The following POTEC variants were observed in gnomAD, a reference collection of about 807,000 sequenced individuals.
The protein encoded by POTEC is ANKRD26-like family B member 2.
POTEC carries 35 observed loss-of-function variants against 62.0 expected under a neutral mutation model. That is an observed-to-expected ratio of 0.56 (90% CI 0.43 to 0.75). POTEC has a LOEUF of 0.75. Ranked by LOEUF, POTEC falls within the 30% of genes least tolerant of loss-of-function variation. The pLI, the probability that POTEC is intolerant of heterozygous loss-of-function variation, is 0.00. For synonymous variants in POTEC, 156 were observed against 221.5 expected (o/e 0.70, Z 2.62); for missense variants, 472 against 655.9 (o/e 0.72, Z 3.06).
intron 9 of POTEC, among the ~76,000 whole-genome samples, chr18:14,516,014 A>G (rs1216391005): frequency 4.6e-5 from 7 of 151,592 alleles, no homozygotes; most frequent in Non-Finnish European, 1.0e-4. Flanking sequence ...AAAATAAAAA[A>G]AACAGCAGAT....
intron 4 of POTEC, among the ~76,000 whole-genome samples, chr18:14,534,430 A>G (rs1435373778): frequency 2.6e-5 from 4 of 152,092 alleles, no homozygotes; most frequent in Non-Finnish European, 5.9e-5. Flanking sequence ...GCTAACATTA[A>G]TATTCTTCAA....
chr18:14,527,198 G>A (rs1037669938), intron 6 of POTEC, among the ~76,000 whole-genome samples: 13 of 151,786 alleles, frequency 8.6e-5, no homozygotes, highest in Admixed American at 6.6e-5. Context: ...CCTAGTACTC[G>A]CTCTCAAGTT....
chr18:14,526,487 G>T (rs1397839922), intron 6 of POTEC, among the ~76,000 whole-genome samples: 1 of 152,090 alleles, frequency 6.6e-6, no homozygotes, highest in Non-Finnish European at 1.5e-5. Context: ...GGTTTAAAAA[G>T]AATGAAAATA....
chr18:14,525,048 T>C (rs1910402507), intron 6 of POTEC, 65 bp from the exon 7 acceptor site: 1 of 1,571,096 alleles, frequency 6.4e-7, no homozygotes, highest in Non-Finnish European at 8.6e-7. Context: ...CTATTGCCTT[T>C]ATAAAAACAG....
chr18:14,535,559 TAGATAATCAG>T (rs1905684746), intron 3 of POTEC, among the ~76,000 whole-genome samples: 1 of 151,598 alleles, frequency 6.6e-6, no homozygotes, highest in Non-Finnish European at 1.5e-5. Flanking sequence ...GTTAACTAGA[TAGATAATCAG>T]TTCATAGGAT....
chr18:14,521,703 A>C (rs1261499771), intron 9 of POTEC, among the ~76,000 whole-genome samples: 2 of 152,192 alleles, frequency 1.3e-5, no homozygotes, highest in African/African-American at 4.8e-5. Flanking sequence ...CCTTTGCAGC[A>C]ACACACATGG....
intron 3 of POTEC, among the ~76,000 whole-genome samples, chr18:14,537,494 A>G (rs1276880036): frequency 6.6e-6 from 1 of 151,844 alleles, no homozygotes; most frequent in Non-Finnish European, 1.5e-5. Context: ...AAATTTTGTC[A>G]TTTTACATTC....
In POTEC at chr18:14,508,074, G is replaced by A. The variant is rs1386251826; in HGVS notation, c.*3824C>T. 1.3e-5 allele frequency: 2 copies of A among 152,150 alleles called. No individual in the cohort carries two copies. Among genetic ancestry groups the A allele is most frequent in the Non-Finnish European group, 2.9e-5 (2 of 68,034 alleles). 9.4% of individuals were successfully genotyped at this position (152,150 alleles called of 1,614,324 possible). ...TGATCTTCTCATGGCATATCTTACT[G>A]AGGTTCTCTGGATTTCCTGAAGTTG... is the stretch of plus-strand genomic sequence containing the variant. On this transcript the variant is annotated 3_prime_UTR_variant, in exon 11 of 11. Coordinates refer to ENST00000358970, the MANE Select transcript of POTEC (RefSeq NM_001137671.2).
At chr18:14,539,344 G>A (rs1211874306) in intron 1 of POTEC, among the ~76,000 whole-genome samples, 67 of 151,632 alleles carry the variant, frequency 4.4e-4, no homozygotes, top group African/African-American at 1.5e-3. Flanking sequence ...GTGTGCCAAG[G>A]GGGTTGGTTG....
At chr18:14,537,549 T>G (rs1200882947) in intron 3 of POTEC, among the ~76,000 whole-genome samples, 1 of 152,030 alleles carries the variant, frequency 6.6e-6, no homozygotes, top group Non-Finnish European at 1.5e-5. Context: ...AAAAAAAAAG[T>G]ATTACCTTTT....
In POTEC at chr18:14,530,501, A is replaced by G. The variant is rs761053199; in HGVS notation, c.1108T>C (p.Ser370Pro). 11 of 1,596,448 alleles carry G rather than the reference A, an allele frequency of 6.9e-6. No homozygotes were observed. In the South Asian group the frequency reaches 1.2e-4, roughly 18 times the overall value. The change falls in exon 6 of 11, where the codon TCT (serine) becomes CCT (proline). Residue 370 changes from serine (S) to proline (P), a missense_variant. Ser to Pro is a moderately conservative substitution (Grantham distance 74, BLOSUM62 -1). This residue lies in a region of POTEC where 83 missense variants were observed against 254.3 expected (regional missense o/e 0.33). Transcript: ENST00000358970. ...GTCTTACCTGGATTGCTGTTTTCAG[A>G]AGAGATTTTTAGCATCTGTTTTTCT... The part of the protein sequence containing the change: ...YKEKQMLKIS[S>P]ENSNPEQDLK...
chr18:14,527,090 G>A (rs1910455904), intron 6 of POTEC, among the ~76,000 whole-genome samples: 1 of 152,042 alleles, frequency 6.6e-6, no homozygotes, highest in Non-Finnish European at 1.5e-5. Context: ...TGAATTCAGA[G>A]CTGTGACAAT....
At chr18:14,528,095 C>T (rs991062339) in intron 6 of POTEC, 1 of 152,202 alleles carries the variant, frequency 6.6e-6, no homozygotes, top group African/African-American at 2.4e-5. Context: ...ACTACAACAA[C>T]AGACAACAGC....
intron 9 of POTEC, among the ~76,000 whole-genome samples, chr18:14,515,673 TAAA>T (rs1218216398): frequency 1.3e-5 from 2 of 150,980 alleles, no homozygotes; most frequent in Non-Finnish European, 3.0e-5. Flanking sequence ...AATAAATAAA[TAAA>T]TACCTAATTA....
At chr18:14,541,134 C>T (rs1598482824) in intron 1 of POTEC, among the ~76,000 whole-genome samples, 1 of 152,318 alleles carries the variant, frequency 6.6e-6, no homozygotes, top group Non-Finnish European at 1.5e-5. Flanking sequence ...CGTGATCCAC[C>T]TGCCTTGGCC....
chr18:14,508,005 T>C lies in POTEC; in HGVS notation c.*3893A>G, dbSNP rs1567907923. ...CCTAGCTGCCTTTAACATTTTTTCT[T>C]TTATTTTGACCTCAGAGAATCTGAT... On this transcript the variant is annotated 3_prime_UTR_variant, in exon 11 of 11. Coordinates refer to ENST00000358970, the MANE Select transcript of POTEC (RefSeq NM_001137671.2). The C allele has an allele frequency of 6.6e-6, 1 of 152,218 alleles. No individual in the cohort carries two copies. Among genetic ancestry groups the C allele is most frequent in the East Asian group, 1.9e-4 (1 of 5,198 alleles). The allele number at this position is 152,218 out of a possible 1,614,324, so 9.4% of individuals were successfully genotyped here.
chr18:14,530,706 C>T (rs1195359733), intron 5 of POTEC, among the ~76,000 whole-genome samples, 153 bp from the exon 6 acceptor site: 1 of 152,056 alleles, frequency 6.6e-6, no homozygotes, highest in Non-Finnish European at 1.5e-5. Flanking sequence ...ATTCTACAAA[C>T]TTTTCTTTAA....
At chr18:14,533,926 AT>A (rs957104812) in intron 4 of POTEC, among the ~76,000 whole-genome samples, 36 of 88,618 alleles carry the variant, frequency 4.1e-4, no homozygotes, top group South Asian at 1.7e-3. Context: ...TTGTTTTGTT[AT>A]TTTTTTTTAA....
intron 6 of POTEC, 93 bp downstream of exon 6, chr18:14,530,390 C>A (rs1213439556): frequency 1.3e-6 from 2 of 1,580,000 alleles, no homozygotes; most frequent in African/African-American, 2.7e-5. Context: ...CTTCCCCCAG[C>A]CCATGGAAAC....
Sources: allele counts gnomAD v4.1 joint callset (sites outside exome capture counted in the v4.1 genomes callset), GRCh38; gene constraint gnomAD v4.1.1; regional missense constraint gnomAD v4.1.1; transcripts MANE v1.5; gene names NCBI Gene and HGNC (gene_info 2026-07-23, HGNC 2026-07-21).